Variants in XYLB observed in about 807,000 individuals in gnomAD.
XYLB encodes xylulokinase.
Under a neutral mutation model 78.7 loss-of-function variants are expected in XYLB, and 62 were observed. The ratio of observed to expected loss-of-function variants is 0.79; its 90% CI spans 0.64 to 0.97. The LOEUF is 0.97. Among genes scored for constraint, XYLB ranks in the 50% least tolerant of loss-of-function variants. The pLI is 0.00. For missense variants in XYLB, 687 were observed against 676.8 expected (o/e 1.02, Z -0.17); for synonymous variants, 245 against 247.4 (o/e 0.99, Z 0.09).
chr3:38,373,626 G>A (rs1425269971), intron 10 of XYLB, among the ~76,000 whole-genome samples: 3 of 152,038 alleles, frequency 2.0e-5, no homozygotes, highest in Non-Finnish European at 4.4e-5. Flanking sequence ...ATTCACATTC[G>A]GTCTCGTCTC....
At chr3:38,349,946 A>G (rs1473062030) in intron 2 of XYLB, among the ~76,000 whole-genome samples, 1 of 152,158 alleles carries the variant, frequency 6.6e-6, no homozygotes, top group Admixed American at 6.5e-5. Flanking sequence ...TTTTAACTTA[A>G]TTGCCTTTTT....
At chr3:38,444,366 G>A in the XYLB span, among the ~76,000 whole-genome samples, 1 of 152,174 alleles carries the variant, frequency 6.6e-6, no homozygotes, top group East Asian at 1.9e-4. Context: ...TCTGGGCAGA[G>A]AAGATTAGAG....
chr3:38,452,611 T>C, the XYLB span: 2 of 152,216 alleles, frequency 1.3e-5, no homozygotes, highest in Admixed American at 1.3e-4. Flanking sequence ...CTAATTTTTG[T>C]ATTATTTAGT....
intron 17 of XYLB, among the ~76,000 whole-genome samples, chr3:38,400,616 G>C (rs1708082214): frequency 6.6e-6 from 1 of 152,168 alleles, no homozygotes; most frequent in Admixed American, 6.5e-5. Context: ...CAACCACAAA[G>C]AGAAAGACAA....
intron 3 of XYLB, 62 bp downstream of exon 3, chr3:38,360,470 A>C (rs575683529): frequency 2.6e-5 from 38 of 1,453,232 alleles, no homozygotes; most frequent in Non-Finnish European, 3.3e-5. Flanking sequence ...AGACTCGGTG[A>C]TTTGCTAGGA....
intron 16 of XYLB, among the ~76,000 whole-genome samples, chr3:38,395,978 A>G (rs952173334): frequency 6.6e-6 from 1 of 152,224 alleles, no homozygotes; most frequent in African/African-American, 2.4e-5. Context: ...GTCCTTCATT[A>G]TGCCAGAAAC....
chr3:38,411,598 G>A (rs1708590339), intron 18 of XYLB, among the ~76,000 whole-genome samples: 1 of 150,966 alleles, frequency 6.6e-6, no homozygotes, highest in Admixed American at 6.6e-5. Flanking sequence ...CCTTAGTACA[G>A]TTGCTTTTAG....
At chr3:38,358,974 G>T (rs932042759) in intron 2 of XYLB, among the ~76,000 whole-genome samples, 7 of 152,192 alleles carry the variant, frequency 4.6e-5, no homozygotes, top group African/African-American at 1.7e-4. Context: ...ACCGAGACAA[G>T]CTCGGTTGTG....
the XYLB span, among the ~76,000 whole-genome samples, chr3:38,437,858 T>C: frequency 6.6e-6 from 1 of 152,004 alleles, no homozygotes; most frequent in African/African-American, 2.4e-5. Context: ...GATCACGAGG[T>C]CAGGAGATAG....
intron 2 of XYLB, among the ~76,000 whole-genome samples, chr3:38,350,931 C>G (rs1313754140): frequency 6.6e-6 from 1 of 151,816 alleles, no homozygotes; most frequent in African/African-American, 2.4e-5. Context: ...CACTTAAGGT[C>G]CGGAGTTTGA....
intron 15 of XYLB, among the ~76,000 whole-genome samples, chr3:38,382,449 T>G (rs1445609703): frequency 6.6e-6 from 1 of 152,242 alleles, no homozygotes; most frequent in Non-Finnish European, 1.5e-5. Context: ...TTTTTAAAAA[T>G]TTATGAACAT....
chr3:38,441,338 G>A, the XYLB span, among the ~76,000 whole-genome samples: 1 of 152,180 alleles, frequency 6.6e-6, no homozygotes, highest in African/African-American at 2.4e-5. Flanking sequence ...TGGTCCCTGG[G>A]GGAAGAGGCT....
downstream of XYLB, among the ~76,000 whole-genome samples, chr3:38,415,947 A>G (rs1275394141): frequency 6.6e-6 from 1 of 152,188 alleles, no homozygotes; most frequent in Non-Finnish European, 1.5e-5. Context: ...AAGAGAGAGC[A>G]TGGACGCACA....
chr3:38,447,508 G>A, the XYLB span, among the ~76,000 whole-genome samples: 1 of 143,876 alleles, frequency 7.0e-6, no homozygotes, highest in Non-Finnish European at 1.5e-5. Flanking sequence ...GATACAAGCA[G>A]GGTCTCCCTA....
rs1706887279 is a variant in XYLB at position 38,376,929 on chromosome 3, G to T, written c.1132G>T (p.Asp378Tyr). 2.5e-6 allele frequency: 4 copies of T among 1,613,674 alleles called. No homozygotes were observed. The highest frequency in any genetic ancestry group is 3.4e-6 in the Non-Finnish European group (4 of 1,179,794). The change falls in exon 14 of 19, where the codon GAT (aspartate) becomes TAT (tyrosine). Residue 378 changes from aspartate to tyrosine, a missense_variant. Physicochemically the swap from Asp to Tyr is radical, Grantham distance 160. Coordinates refer to ENST00000207870, the MANE Select transcript of XYLB (RefSeq NM_005108.4). ...GNGGNLGFYF[D>Y]VMEITPEIIG... Reference sequence around the variant, plus strand: ...TGGTTTTATTTCAGGTTTTTATTTTGATGTAATGGAGATCACCCCTGAAAT... The same window carrying T: ...TGGTTTTATTTCAGGTTTTTATTTTTATGTAATGGAGATCACCCCTGAAAT...
chr3:38,397,649 G>A (rs4678603), intron 17 of XYLB, among the ~76,000 whole-genome samples: 4,709 of 152,160 alleles, frequency 0.031, 220 homozygotes, highest in East Asian at 0.17. Flanking sequence ...GAAGCTCCCC[G>A]ATCTAGGCGA....
intron 15 of XYLB, among the ~76,000 whole-genome samples, chr3:38,388,179 T>G (rs77111747): frequency 2.1e-3 from 215 of 100,654 alleles, no homozygotes; most frequent in African/African-American, 6.0e-3. Context: ...GTTTTTTTTT[T>G]TTTTTTTTTT....
At position 38,365,723 on chromosome 3, in the gene XYLB, C is replaced by T. The variant is rs906872148; in HGVS notation, c.494C>T (p.Ser165Phe). 6.2e-7 allele frequency: 1 copy of T among 1,612,956 alleles called. No individual in the cohort carries two copies. Among genetic ancestry groups the T allele is most frequent in the Non-Finnish European group, 8.5e-7 (1 of 1,179,676 alleles). ...CAGGCTCTCAGCTGCCTCACGGGGT[C>T]CCGTGCCTATGAGGTAGGCTGAGGA... is the stretch of plus-strand genomic sequence containing the variant. ...GAQALSCLTG[S>F]RAYERFTGNQ... The change falls in exon 6 of 19, where the codon TCC becomes TTC. Residue 165 changes from serine to phenylalanine, a missense_variant. Transcript: ENST00000207870.
chr3:38,451,488 T>G, the XYLB span: 1 of 152,096 alleles, frequency 6.6e-6, no homozygotes, highest in Admixed American at 6.6e-5. Context: ...CTGGGCATGG[T>G]GGCGTGCCTG....
Sources: gnomAD v4.1 joint callset for allele counts (sites outside exome capture counted in the v4.1 genomes callset) on GRCh38, gnomAD v4.1.1 for gene constraint, MANE v1.5 for transcripts, NCBI Gene and HGNC (gene_info 2026-07-23, HGNC 2026-07-21) for gene names.